The following AKAP19 variants were observed in gnomAD, a reference collection of about 807,000 sequenced individuals.
AKAP19 encodes A-kinase anchoring protein 19.
chr2:189,966,415 A>G, the AKAP19 span, among the ~76,000 whole-genome samples: 6 of 152,116 alleles, frequency 3.9e-5, no homozygotes, highest in African/African-American at 1.4e-4. Flanking sequence ...AAAATGCAAT[A>G]CCTTCAAAGG....
chr2:190,095,116 A>G, the AKAP19 span, among the ~76,000 whole-genome samples: 6 of 152,096 alleles, frequency 3.9e-5, no homozygotes, highest in African/African-American at 1.4e-4. Flanking sequence ...CCAGCTACTC[A>G]GGAGGCTGAG....
chr2:189,971,804 C>T, the AKAP19 span, among the ~76,000 whole-genome samples: 1 of 148,116 alleles, frequency 6.8e-6, no homozygotes, highest in Non-Finnish European at 1.5e-5. Context: ...TGTTCATATC[C>T]TTCACCCACT....
the AKAP19 span, chr2:189,924,193 G>A: frequency 2.7e-6 from 4 of 1,498,680 alleles, no homozygotes; most frequent in Non-Finnish European, 2.7e-6. Flanking sequence ...CAGAGACAGC[G>A]CCAATGGCGA....
chr2:189,974,833 G>T, the AKAP19 span, among the ~76,000 whole-genome samples: 1 of 152,016 alleles, frequency 6.6e-6, no homozygotes. Context: ...CATTTGCTTG[G>T]TAGATCTTCC....
the AKAP19 span, among the ~76,000 whole-genome samples, chr2:189,961,283 G>A: frequency 6.6e-6 from 1 of 152,098 alleles, no homozygotes; most frequent in Non-Finnish European, 1.5e-5. Flanking sequence ...GAGAGGGCCA[G>A]GAGAAGGTGG....
chr2:189,977,796 G>A, the AKAP19 span, among the ~76,000 whole-genome samples: 3 of 152,124 alleles, frequency 2.0e-5, no homozygotes, highest in African/African-American at 7.2e-5. Flanking sequence ...AAGGGTTATG[G>A]AAACACATAC....
chr2:189,982,199 A>AT, the AKAP19 span, among the ~76,000 whole-genome samples: 1 of 151,296 alleles, frequency 6.6e-6, no homozygotes, highest in Non-Finnish European at 1.5e-5. Context: ...GGTTTTGTTC[A>AT]TTTTTTAAAA....
At chr2:189,991,420 T>G in the AKAP19 span, among the ~76,000 whole-genome samples, 1 of 152,226 alleles carries the variant, frequency 6.6e-6, no homozygotes, top group Non-Finnish European at 1.5e-5. Context: ...CTCATTGTAG[T>G]TTTGATTTGC....
At chr2:190,195,941 CTTTTTT>C in the AKAP19 span, among the ~76,000 whole-genome samples, 4 of 86,196 alleles carry the variant, frequency 4.6e-5, no homozygotes, top group African/African-American at 8.3e-5. Flanking sequence ...CTGTGTCCAG[CTTTTTT>C]TTTTTTTTTT....
At chr2:190,079,178 T>G in the AKAP19 span, 4 of 152,198 alleles carry the variant, frequency 2.6e-5, no homozygotes, top group African/African-American at 7.2e-5. Context: ...GCAGAACTCT[T>G]GATTTATCAA....
chr2:190,099,145 G>T, the AKAP19 span, among the ~76,000 whole-genome samples: 1 of 152,134 alleles, frequency 6.6e-6, no homozygotes, highest in African/African-American at 2.4e-5. Flanking sequence ...TCTTTCAAGA[G>T]CTTTTCTGTT....
At chr2:190,195,217 C>T in the AKAP19 span, among the ~76,000 whole-genome samples, 2 of 152,118 alleles carry the variant, frequency 1.3e-5, no homozygotes, top group African/African-American at 4.8e-5. Context: ...ACAGTTTACC[C>T]ATTCACCAAG....
chr2:190,142,192 T>C, the AKAP19 span, among the ~76,000 whole-genome samples: 1 of 152,190 alleles, frequency 6.6e-6, no homozygotes, highest in South Asian at 2.1e-4. Context: ...GCAAGTTGTT[T>C]CTCTTATCTG....
the AKAP19 span, among the ~76,000 whole-genome samples, chr2:190,113,143 T>G: frequency 1.3e-5 from 2 of 152,192 alleles, no homozygotes; most frequent in East Asian, 3.8e-4. Context: ...TTCAGCTATT[T>G]TCACTTTTTT....
chr2:190,060,673 C>T, the AKAP19 span, among the ~76,000 whole-genome samples: 2 of 152,012 alleles, frequency 1.3e-5, no homozygotes, highest in East Asian at 3.9e-4. Flanking sequence ...ATCTATTCCC[C>T]TTCCAGAGAA....
the AKAP19 span, among the ~76,000 whole-genome samples, chr2:189,884,805 G>T: frequency 6.6e-6 from 1 of 152,160 alleles, no homozygotes; most frequent in African/African-American, 2.4e-5. Context: ...TAGGTCTGGG[G>T]TAGAGTCTGA....
At chr2:190,141,513 A>G in the AKAP19 span, among the ~76,000 whole-genome samples, 1 of 152,184 alleles carries the variant, frequency 6.6e-6, no homozygotes, top group Non-Finnish European at 1.5e-5. Context: ...ATCCTTCTTC[A>G]TATGGTGGCA....
chr2:189,899,523 A>G, the AKAP19 span, among the ~76,000 whole-genome samples: 8 of 152,006 alleles, frequency 5.3e-5, no homozygotes. Flanking sequence ...TTCAGCCTCC[A>G]CTCTTTCTTG....
chr2:190,066,726 G>A, the AKAP19 span, among the ~76,000 whole-genome samples: 1 of 152,136 alleles, frequency 6.6e-6, no homozygotes, highest in Non-Finnish European at 1.5e-5. Flanking sequence ...TAGAAGGCAG[G>A]AGACCCAAAA....
Sources: allele counts gnomAD v4.1 joint callset (sites outside exome capture counted in the v4.1 genomes callset), GRCh38; gene constraint gnomAD v4.1.1; transcripts MANE v1.5; gene names NCBI Gene and HGNC (gene_info 2026-07-23, HGNC 2026-07-21).